Variants in PRDM2 observed in about 807,000 individuals in gnomAD.
The protein encoded by PRDM2 is PR/SET domain 2, also known as PR domain zinc finger protein 2.
PRDM2 carries 30 observed loss-of-function variants against 130.0 expected under a neutral mutation model. The observed-to-expected ratio is 0.23, with a 90% CI of 0.17 to 0.31. The LOEUF (loss-of-function observed/expected upper bound fraction) is 0.31. PRDM2 is among the 10% of genes least tolerant of loss of function. The pLI is 1.00. For missense variants in PRDM2, 2,011 were observed against 2,108.4 expected, an observed-to-expected ratio of 0.95 and a Z score of 0.90; for synonymous variants, 871 against 782.4, an observed-to-expected ratio of 1.11 and a Z score of -1.89.
intron 6 of PRDM2, among the ~76,000 whole-genome samples, chr1:13,754,000 T>A (rs139492626): frequency 2.0e-5 from 3 of 152,078 alleles, no homozygotes; most frequent in African/African-American, 7.2e-5. Flanking sequence ...ATGAAGTAGG[T>A]AAACCTTGTC....
chr1:13,810,982 G>A (rs1181133028), intron 8 of PRDM2, among the ~76,000 whole-genome samples: 1 of 151,076 alleles, frequency 6.6e-6, no homozygotes, highest in Non-Finnish European at 1.5e-5. Flanking sequence ...GTGAGGAGTT[G>A]AGACCAGCCT....
At chr1:13,807,977 T>A (rs1235582281) in intron 8 of PRDM2, among the ~76,000 whole-genome samples, 1 of 152,198 alleles carries the variant, frequency 6.6e-6, no homozygotes. Context: ...CCCCCTGTGC[T>A]TTCAAAGTCC....
chr1:13,745,327 G>A (rs1478307064), intron 5 of PRDM2, among the ~76,000 whole-genome samples: 1 of 152,130 alleles, frequency 6.6e-6, no homozygotes, highest in African/African-American at 2.4e-5. Context: ...CCCACTCCTT[G>A]GATAGGAAGG....
chr1:13,790,005 A>G (rs1046777470), intron 8 of PRDM2, among the ~76,000 whole-genome samples: 2 of 152,104 alleles, frequency 1.3e-5, no homozygotes, highest in African/African-American at 4.8e-5. Flanking sequence ...GCAGGTGTGG[A>G]TGGGCCATTC....
intron 6 of PRDM2, among the ~76,000 whole-genome samples, chr1:13,756,548 AG>A (rs891670723): frequency 6.6e-6 from 1 of 152,204 alleles, no homozygotes; most frequent in African/African-American, 2.4e-5. Context: ...AATGACATGG[AG>A]AAACAAAAGT....
intron 8 of PRDM2, among the ~76,000 whole-genome samples, chr1:13,812,351 C>T (rs1396455088): frequency 6.6e-6 from 1 of 151,998 alleles, no homozygotes; most frequent in Non-Finnish European, 1.5e-5. Flanking sequence ...TCACAGGCCC[C>T]ATGATCACAG....
chr1:13,753,657 G>A (rs1413094181), intron 6 of PRDM2, among the ~76,000 whole-genome samples: 1 of 152,184 alleles, frequency 6.6e-6, no homozygotes, highest in Non-Finnish European at 1.5e-5. Context: ...AACACGGATG[G>A]TATAGGCAGT....
At chr1:13,700,874 GCGCA>G (rs1299153452) in intron 1 of PRDM2, among the ~76,000 whole-genome samples, 1 of 152,128 alleles carries the variant, frequency 6.6e-6, no homozygotes, top group Non-Finnish European at 1.5e-5. Context: ...GTGTGTGTGT[GCGCA>G]CGCGCGCGTG....
At chr1:13,776,537 A>T (rs1285001160) in intron 7 of PRDM2, among the ~76,000 whole-genome samples, 1 of 152,158 alleles carries the variant, frequency 6.6e-6, no homozygotes, top group Admixed American at 6.5e-5. Flanking sequence ...CTTTACAGGT[A>T]AACTTGAAAG....
intron 4 of PRDM2, 38 bp from the exon 5 acceptor site, chr1:13,741,967 A>G: frequency 6.7e-7 from 1 of 1,496,162 alleles, no homozygotes; most frequent in Non-Finnish European, 9.2e-7. Context: ...AGATACTCCT[A>G]TTTTAACAAA....
intron 9 of PRDM2, among the ~76,000 whole-genome samples, chr1:13,820,304 T>G (rs1645328364): frequency 6.6e-6 from 1 of 152,238 alleles, no homozygotes; most frequent in African/African-American, 2.4e-5. Flanking sequence ...ACAGTTTGAA[T>G]GCAGCGAGAA....
chr1:13,788,512 C>T (rs141110714), intron 8 of PRDM2, among the ~76,000 whole-genome samples: 3 of 152,184 alleles, frequency 2.0e-5, no homozygotes, highest in East Asian at 1.9e-4. Context: ...TGACTATAAG[C>T]GGTTTCCTAT....
At chr1:13,721,820 A>G (rs962081419) in intron 2 of PRDM2, among the ~76,000 whole-genome samples, 3 of 151,704 alleles carry the variant, frequency 2.0e-5, no homozygotes, top group African/African-American at 7.3e-5. Flanking sequence ...CCTCTAACTC[A>G]CTCTCCTTGG....
At chr1:13,817,291 C>A (rs1269136038) in intron 9 of PRDM2, among the ~76,000 whole-genome samples, 1 of 152,158 alleles carries the variant, frequency 6.6e-6, no homozygotes, top group Non-Finnish European at 1.5e-5. Context: ...GGGTCTCAAG[C>A]ATTTCAGACA....
At chr1:13,731,455 G>T (rs1643108898) in intron 3 of PRDM2, among the ~76,000 whole-genome samples, 1 of 152,154 alleles carries the variant, frequency 6.6e-6, no homozygotes, top group Admixed American at 6.5e-5. Context: ...ATTTCACCAT[G>T]AGGAGCATGA....
rs1457137999 is a variant in PRDM2, at chr1:13,816,583, A to G, written c.*23+13A>G. On this transcript the variant is annotated intron_variant, in intron 9 of 9. Transcript: ENST00000311066. Reference sequence around the variant, plus strand: ...TGCTCCCTGACAGGTACGAGGCAGGATGGAACAGCTTCTGGCACTGTTTGG... The same window carrying G: ...TGCTCCCTGACAGGTACGAGGCAGGGTGGAACAGCTTCTGGCACTGTTTGG... 6.2e-7 allele frequency: 1 copy of G among 1,613,204 alleles called. No individual in the cohort carries two copies. The highest frequency in any genetic ancestry group is 8.5e-7 in the Non-Finnish European group (1 of 1,179,470).
chr1:13,745,808 G>T (rs1038336176), intron 5 of PRDM2, among the ~76,000 whole-genome samples: 1 of 152,178 alleles, frequency 6.6e-6, no homozygotes, highest in East Asian at 1.9e-4. Flanking sequence ...AGATGAGGCT[G>T]TTGAGGTCTG....
chr1:13,746,461 A>G (rs1361313653), intron 5 of PRDM2, among the ~76,000 whole-genome samples: 1 of 151,832 alleles, frequency 6.6e-6, no homozygotes, highest in South Asian at 2.1e-4. Context: ...GTTGCGAAGC[A>G]TATATCGCTC....
intron 8 of PRDM2, among the ~76,000 whole-genome samples, chr1:13,805,935 C>T (rs1483174435): frequency 1.3e-5 from 2 of 152,094 alleles, no homozygotes; most frequent in African/African-American, 4.8e-5. Flanking sequence ...GCAGCTCCTT[C>T]CCTCCCAAAC....
Sources: allele counts gnomAD v4.1 joint callset (sites outside exome capture counted in the v4.1 genomes callset), GRCh38; gene constraint gnomAD v4.1.1; transcripts MANE v1.5; gene names NCBI Gene and HGNC (gene_info 2026-07-23, HGNC 2026-07-21).